CAGE1: variants seen among roughly 807,000 people sequenced by gnomAD.
CAGE1 encodes cancer antigen 1, also known as cancer-associated gene 1 protein.
In CAGE1, 66 loss-of-function variants were observed where a neutral mutation model predicts 94.9. The observed-to-expected ratio is 0.70, with a 90% confidence interval of 0.57 to 0.85. The LOEUF (loss-of-function observed/expected upper bound fraction) is 0.85. Ranked by LOEUF, CAGE1 falls within the 40% of genes least tolerant of loss-of-function variation. The pLI is 0.00. For synonymous variants in CAGE1, 319 were observed against 321.0 expected (o/e 0.99, Z 0.07); for missense variants, 865 against 950.4 (o/e 0.91, Z 1.18).
chr6:7,352,303 A>AC (rs1461665769), intron 11 of CAGE1, among the ~76,000 whole-genome samples: 51 of 110,042 alleles, frequency 4.6e-4, no homozygotes, highest in African/African-American at 8.0e-4. Flanking sequence ...AAAAAAAAAA[A>AC]AACAAAAAAA....
chr6:7,336,158 C>T (rs1758947188), intron 11 of CAGE1, among the ~76,000 whole-genome samples: 1 of 152,178 alleles, frequency 6.6e-6, no homozygotes. Context: ...GTCTATCATG[C>T]TTTGTCATCA....
intron 9 of CAGE1, among the ~76,000 whole-genome samples, chr6:7,361,653 T>C (rs1760169316): frequency 6.6e-6 from 1 of 152,214 alleles, no homozygotes; most frequent in Admixed American, 6.5e-5. Context: ...TGATATCCTT[T>C]AGCAAGGATC....
Position 7,328,932 on chromosome 6 carries a change from A to ATTT in CAGE1, c.2478+916_2478+917insAAA, listed in dbSNP as rs556084338. Among the ~76,000 whole-genome samples the ATTT allele has an allele frequency of 1.5e-3, 152 of 103,574 alleles. 8 individuals are homozygous for ATTT. Among genetic ancestry groups the ATTT allele is most frequent in the African/African-American group, 4.3e-3 (123 of 28,864 alleles). 67.9% of individuals were successfully genotyped at this position (103,574 alleles called of 152,430 possible). ...TGTGTGTGTGTGTATATATATATAT[A>ATTT]TATTTTTTTTTTTTTTTGAGATAGA... On this transcript the variant is annotated intron_variant, in intron 13 of 13. Transcript: ENST00000502583.
rs200961346 is a variant in CAGE1 at position 7,326,821 on chromosome 6, T to C, written c.*37A>G. On this transcript the variant is annotated 3_prime_UTR_variant, in exon 14 of 14. Coordinates refer to ENST00000502583, the MANE Select transcript of CAGE1 (RefSeq NM_001170692.2). Reference sequence around the variant, plus strand: ...GTAGTAATGACTCTTCCTGGAGTGGTTGACAAAAATGATTACTGTTTAATC... The same window carrying C: ...GTAGTAATGACTCTTCCTGGAGTGGCTGACAAAAATGATTACTGTTTAATC... The C allele has an allele frequency of 1.4e-5, 20 of 1,446,086 alleles. No homozygotes were observed. Among genetic ancestry groups the C allele is most frequent in the African/African-American group, 4.2e-5 (3 of 71,584 alleles). 89.6% of individuals were successfully genotyped at this position (1,446,086 alleles called of 1,614,324 possible). A position where few individuals can be genotyped will look rare whatever the true frequency, so the allele number is the denominator to read the frequency against.
intron 11 of CAGE1, among the ~76,000 whole-genome samples, chr6:7,343,634 A>G (rs1475442204): frequency 6.6e-6 from 1 of 152,168 alleles, no homozygotes; most frequent in East Asian, 1.9e-4. Flanking sequence ...TTCTTCCAGG[A>G]CTCTGTTGGC....
intron 9 of CAGE1, among the ~76,000 whole-genome samples, chr6:7,359,652 A>T (rs914743195): frequency 6.6e-6 from 1 of 152,220 alleles, no homozygotes; most frequent in Non-Finnish European, 1.5e-5. Flanking sequence ...AGAAGCCAAG[A>T]TGAGGTTCAC....
intron 12 of CAGE1, among the ~76,000 whole-genome samples, chr6:7,333,637 AC>A (rs1199282446): frequency 5.3e-4 from 64 of 120,668 alleles, no homozygotes; most frequent in Non-Finnish European, 7.4e-4. Context: ...TATCTATCTA[AC>A]TATCTATATA....
At chr6:7,365,164 A>G (rs1309039113) in intron 9 of CAGE1, among the ~76,000 whole-genome samples, 1 of 152,246 alleles carries the variant, frequency 6.6e-6, no homozygotes, top group East Asian at 1.9e-4. Context: ...TTACTGCAGC[A>G]TATGCAACAG....
At chr6:7,371,317 C>T (rs950922502) in intron 5 of CAGE1, among the ~76,000 whole-genome samples, 13 of 151,846 alleles carry the variant, frequency 8.6e-5, no homozygotes, top group African/African-American at 2.9e-4. Context: ...ATCCTTTTTT[C>T]TTAGATCTTA....
At chr6:7,333,644 A>ATC (rs1324896569) in intron 12 of CAGE1, among the ~76,000 whole-genome samples, 2,276 of 39,420 alleles carry the variant, frequency 0.058, 24 homozygotes, top group Non-Finnish European at 0.076. Context: ...CTAACTATCT[A>ATC]TATATATATA....
chr6:7,344,053 C>A (rs1439390931), intron 11 of CAGE1, among the ~76,000 whole-genome samples: 1 of 152,254 alleles, frequency 6.6e-6, no homozygotes, highest in Non-Finnish European at 1.5e-5. Flanking sequence ...TGACAGCGTG[C>A]TGGCAATCCT....
intron 11 of CAGE1, among the ~76,000 whole-genome samples, chr6:7,354,318 G>T (rs138723155): frequency 0.011 from 1,709 of 152,094 alleles, 28 homozygotes; most frequent in African/African-American, 0.039. Context: ...TTTAAAACTT[G>T]CCTGCATTAG....
At chr6:7,348,179 C>A (rs931190087) in intron 11 of CAGE1, among the ~76,000 whole-genome samples, 9 of 152,122 alleles carry the variant, frequency 5.9e-5, no homozygotes, top group African/African-American at 1.9e-4. Flanking sequence ...CATTTCACCC[C>A]CCTGCCACGT....
intron 9 of CAGE1, among the ~76,000 whole-genome samples, chr6:7,356,946 G>A (rs1478196219): frequency 7.2e-5 from 11 of 152,042 alleles, no homozygotes; most frequent in East Asian, 1.9e-4. Context: ...ACAGGTGTGC[G>A]CCACCACGCC....
intron 9 of CAGE1, among the ~76,000 whole-genome samples, chr6:7,364,997 T>C (rs1031508435): frequency 6.6e-6 from 1 of 152,206 alleles, no homozygotes; most frequent in Admixed American, 6.5e-5. Flanking sequence ...AATTCCTAAA[T>C]TGCTCTATAA....
At chr6:7,348,211 G>T (rs2764070) in intron 11 of CAGE1, among the ~76,000 whole-genome samples, 81,072 of 151,996 alleles carry the variant, frequency 0.53, 24,273 homozygotes, top group African/African-American at 0.83. Context: ...GGTGCTGATA[G>T]CCACAGCTGA....
chr6:7,356,645 A>G (rs1253125591), intron 9 of CAGE1, among the ~76,000 whole-genome samples: 3 of 152,232 alleles, frequency 2.0e-5, no homozygotes, highest in African/African-American at 7.2e-5. Flanking sequence ...GAAAGCCATT[A>G]AAAATGAAAA....
intron 3 of CAGE1, among the ~76,000 whole-genome samples, chr6:7,384,320 G>A (rs1352147591): frequency 6.6e-6 from 1 of 152,126 alleles, no homozygotes; most frequent in Non-Finnish European, 1.5e-5. Context: ...CTCGTGATCC[G>A]CCTGCCTCGG....
At chr6:7,345,825 T>TGA (rs1480181572) in intron 11 of CAGE1, among the ~76,000 whole-genome samples, 2 of 152,044 alleles carry the variant, frequency 1.3e-5, no homozygotes, top group Non-Finnish European at 2.9e-5. Flanking sequence ...CTTGGGAGGC[T>TGA]GAGGCAGGAG....
Sources: gnomAD v4.1 joint callset for allele counts (sites outside exome capture counted in the v4.1 genomes callset) on GRCh38, gnomAD v4.1.1 for gene constraint, MANE v1.5 for transcripts, NCBI Gene and HGNC (gene_info 2026-07-23, HGNC 2026-07-21) for gene names.